Variants in TTC23L observed in about 807,000 individuals in gnomAD.
The protein encoded by TTC23L is tetratricopeptide repeat protein 23-like.
A neutral mutation model predicts 48.1 loss-of-function variants in TTC23L; 42 were observed. The ratio of observed to expected loss-of-function variants is 0.87; its 90% CI spans 0.68 to 1.13. TTC23L has a LOEUF of 1.13. Ranked by LOEUF, TTC23L falls within the 50% of genes most tolerant of loss-of-function variation. The probability of loss-of-function intolerance (pLI) is 0.00; values close to 1 mark genes in which losing one functional copy is unlikely to be tolerated. For missense variants in TTC23L, 391 were observed against 421.0 expected (o/e 0.93, Z 0.62); for synonymous variants, 159 against 157.2 (o/e 1.01, Z -0.09).
downstream of TTC23L, among the ~76,000 whole-genome samples, chr5:34,901,846 A>G (rs1383171795): frequency 1.3e-5 from 2 of 152,156 alleles, no homozygotes; most frequent in African/African-American, 4.8e-5. Context: ...TATAAAGCAG[A>G]CTTCCTGGAT....
Position 34,886,420 on chromosome 5 carries a change from G to C in TTC23L, c.1077+6112G>C, listed in dbSNP as rs114631462. Among the ~76,000 whole-genome samples, 1,021 of 150,048 alleles carry C rather than the reference G, an allele frequency of 6.8e-3. 10 individuals are homozygous for C. The highest frequency in any genetic ancestry group is 0.024 in the African/African-American group (982 of 41,028). ...TCAGGAGGCTTACAGACTGCTAAAG[G>C]CTTCATTAAAGTCCCAGGTATTCAG... On this transcript the variant is annotated intron_variant, in intron 9 of 10. Transcript: ENST00000505624.
chr5:34,892,539 A>G (rs898060996), intron 9 of TTC23L, among the ~76,000 whole-genome samples: 5 of 152,212 alleles, frequency 3.3e-5, no homozygotes, highest in Admixed American at 6.5e-5. Context: ...TTACGTGAAA[A>G]CAGACATGTA....
chr5:34,903,550 A>G (rs191798350), downstream of TTC23L, among the ~76,000 whole-genome samples: 2 of 152,320 alleles, frequency 1.3e-5, no homozygotes, highest in Non-Finnish European at 2.9e-5. Flanking sequence ...GTTTGGAAAA[A>G]TTATAATGAC....
chr5:34,912,809 G>A, the TTC23L span, among the ~76,000 whole-genome samples: 2 of 152,178 alleles, frequency 1.3e-5, no homozygotes, highest in Admixed American at 6.5e-5. Flanking sequence ...AGACCAGCCT[G>A]GCTAATATGG....
At chr5:34,839,572 A>G (rs1277384395) in intron 1 of TTC23L, 1 of 928,770 alleles carries the variant, frequency 1.1e-6, no homozygotes, top group African/African-American at 1.8e-5. Flanking sequence ...TGCTGTGGGC[A>G]TAGTGTTTAA....
At chr5:34,893,758 G>C (rs1212378256) in intron 9 of TTC23L, among the ~76,000 whole-genome samples, 1 of 151,906 alleles carries the variant, frequency 6.6e-6, no homozygotes, top group African/African-American at 2.4e-5. Flanking sequence ...GAACTGAAAA[G>C]GAGTCTCTGA....
At chr5:34,896,057 C>G (rs1410772400) in intron 9 of TTC23L, among the ~76,000 whole-genome samples, 3 of 152,198 alleles carry the variant, frequency 2.0e-5, no homozygotes, top group African/African-American at 7.2e-5. Context: ...AATCAGGATT[C>G]TAGGACTAGC....
intron 9 of TTC23L, among the ~76,000 whole-genome samples, chr5:34,889,984 G>A (rs777908003): frequency 1.7e-4 from 26 of 151,820 alleles, no homozygotes; most frequent in Non-Finnish European, 1.2e-4. Context: ...GACTACATGC[G>A]TATGCCACCA....
intron 4 of TTC23L, among the ~76,000 whole-genome samples, chr5:34,862,386 C>T (rs1455423732): frequency 1.3e-5 from 2 of 152,182 alleles, no homozygotes; most frequent in Non-Finnish European, 2.9e-5. Context: ...CCAGAACACT[C>T]AATGCACAGC....
chr5:34,888,078 A>G (rs1345978965), intron 9 of TTC23L, among the ~76,000 whole-genome samples: 4 of 152,204 alleles, frequency 2.6e-5, no homozygotes, highest in African/African-American at 9.7e-5. Flanking sequence ...TGGAGCCTTC[A>G]TGAATGGGAT....
chr5:34,922,429 A>G, the TTC23L span: 13 of 905,834 alleles, frequency 1.4e-5, no homozygotes, highest in Non-Finnish European at 2.0e-5. Flanking sequence ...TGATACCTTT[A>G]AAGAAAATTA....
exon 7 of TTC23L, chr5:34,866,955 T>C (rs753246989): frequency 4.3e-6 from 7 of 1,610,532 alleles, no homozygotes; most frequent in African/African-American, 1.3e-5. Context: ...CAATTGGCGA[T>C]GTTATTGCTG....
At chr5:34,887,527 A>G (rs1435081706) in intron 9 of TTC23L, among the ~76,000 whole-genome samples, 1 of 152,226 alleles carries the variant, frequency 6.6e-6, no homozygotes, top group African/African-American at 2.4e-5. Context: ...AGGAAACAAA[A>G]CAAAACAAGC....
At chr5:34,919,877 T>C in the TTC23L span, 1 of 1,187,548 alleles carries the variant, frequency 8.4e-7, no homozygotes, top group Non-Finnish European at 1.2e-6. Flanking sequence ...TATTTGTGAT[T>C]AACGAGGTAA....
At chr5:34,888,229 C>A (rs899868437) in intron 9 of TTC23L, among the ~76,000 whole-genome samples, 6 of 152,172 alleles carry the variant, frequency 3.9e-5, no homozygotes, top group African/African-American at 1.2e-4. Context: ...TGGCTACATC[C>A]TCCATTTGTA....
chr5:34,865,325 T>C (rs1451188406), intron 6 of TTC23L, among the ~76,000 whole-genome samples: 1 of 152,218 alleles, frequency 6.6e-6, no homozygotes, highest in African/African-American at 2.4e-5. Context: ...ACATGCGTCA[T>C]GTCTGCGTCC....
chr5:34,890,440 T>TC (rs1762794926), intron 9 of TTC23L, among the ~76,000 whole-genome samples: 4 of 36,180 alleles, frequency 1.1e-4, no homozygotes, highest in Non-Finnish European at 1.9e-4. Context: ...AGACCCTGTC[T>TC]CAAAAAAAAA....
intron 5 of TTC23L, 114 bp from the exon 6 acceptor site, chr5:34,864,309 ACATAGTTAAGTACC>A (rs1214107181): frequency 8.7e-7 from 1 of 1,150,586 alleles, no homozygotes; most frequent in Non-Finnish European, 1.2e-6. Context: ...AAAATAAAGA[ACATAGTTAAGTACC>A]CATTTTTAAT....
downstream of TTC23L, among the ~76,000 whole-genome samples, chr5:34,904,230 A>G (rs1430147119): frequency 6.6e-6 from 1 of 151,064 alleles, no homozygotes; most frequent in Non-Finnish European, 1.5e-5. Flanking sequence ...TCGGCCTCCC[A>G]AAGTGCTGGG....
Sources: gnomAD v4.1 joint callset for allele counts (sites outside exome capture counted in the v4.1 genomes callset) on GRCh38, gnomAD v4.1.1 for gene constraint, MANE v1.5 for transcripts, NCBI Gene and HGNC (gene_info 2026-07-23, HGNC 2026-07-21) for gene names.